The following DOCK3 variants were observed in gnomAD, a reference collection of about 807,000 sequenced individuals.
DOCK3 encodes dedicator of cytokinesis 3.
A neutral mutation model predicts 265.6 loss-of-function variants in DOCK3; 60 were observed. That is an observed-to-expected ratio of 0.23 (90% CI 0.18 to 0.28). The LOEUF is 0.28. Ranked by LOEUF, DOCK3 falls within the 10% of genes least tolerant of loss-of-function variation. The probability of loss-of-function intolerance (pLI) is 1.00; values close to 1 mark genes in which losing one functional copy is unlikely to be tolerated. For missense variants in DOCK3, 1,981 were observed against 2,594.3 expected, an observed-to-expected ratio of 0.76 and a Z score of 5.14; for synonymous variants, 881 against 938.0, an observed-to-expected ratio of 0.94 and a Z score of 1.11.
chr3:50,878,082 AAC>A (rs1340301633), intron 3 of DOCK3, among the ~76,000 whole-genome samples: 2 of 152,184 alleles, frequency 1.3e-5, no homozygotes, highest in African/African-American at 4.8e-5. Context: ...AAGGAAAACT[AAC>A]AAACAGAAAG....
chr3:50,803,869 C>G (rs2108697242), intron 2 of DOCK3, among the ~76,000 whole-genome samples: 1 of 151,798 alleles, frequency 6.6e-6, no homozygotes, highest in East Asian at 1.9e-4. Flanking sequence ...GACGGGGCGG[C>G]TGGCCGGGCG....
At chr3:51,000,755 C>T (rs764742722) in intron 5 of DOCK3, among the ~76,000 whole-genome samples, 4 of 152,096 alleles carry the variant, frequency 2.6e-5, no homozygotes, top group Non-Finnish European at 5.9e-5. Flanking sequence ...TGGGTTCAAG[C>T]GATTCTCCTG....
chr3:51,291,134 TTACAGAATG>T (rs2109151610), intron 27 of DOCK3, among the ~76,000 whole-genome samples: 1 of 152,196 alleles, frequency 6.6e-6, no homozygotes, highest in South Asian at 2.1e-4. Flanking sequence ...ATATCAAATC[TTACAGAATG>T]TAGCAAAAGC....
At chr3:51,239,589 TG>T (rs1441784374) in intron 21 of DOCK3, among the ~76,000 whole-genome samples, 24 of 151,366 alleles carry the variant, frequency 1.6e-4, no homozygotes, top group Non-Finnish European at 5.9e-5. Context: ...TTGTTTTTTT[TG>T]TTTTTTTTTA....
At chr3:51,121,187 G>A (rs553530472) in intron 9 of DOCK3, among the ~76,000 whole-genome samples, 1 of 152,224 alleles carries the variant, frequency 6.6e-6, no homozygotes, top group East Asian at 1.9e-4. Context: ...TGGTATCTGG[G>A]CCAGATAGCA....
rs531578504 is a variant in DOCK3, at chr3:51,243,975, C to A, written c.2103-2751C>A. Among the ~76,000 whole-genome samples the A allele has an allele frequency of 2.6e-5, 4 of 152,320 alleles. No individual in the cohort carries two copies. The South Asian group carries it at 8.3e-4, about 32-fold the overall frequency. ...GCTGTCTTTTCCCCCACTGAATGGTCTTGGCATTCTTGTCAAAAGGGTGAT... is the reference window on the plus strand; with the variant it reads ...GCTGTCTTTTCCCCCACTGAATGGTATTGGCATTCTTGTCAAAAGGGTGAT... On this transcript the variant is annotated intron_variant, in intron 21 of 52. Coordinates refer to ENST00000266037, the MANE Select transcript of DOCK3 (RefSeq NM_004947.5).
intron 9 of DOCK3, among the ~76,000 whole-genome samples, chr3:51,136,441 T>G (rs2084803314): frequency 6.6e-6 from 1 of 152,054 alleles, no homozygotes. Context: ...GGTTTCACCT[T>G]GTTAGCTAGT....
intron 12 of DOCK3, among the ~76,000 whole-genome samples, chr3:51,192,328 A>G (rs952046174): frequency 6.6e-6 from 1 of 151,254 alleles, no homozygotes; most frequent in African/African-American, 2.4e-5. Context: ...AGAGGACGGA[A>G]CTCTCTCTAA....
At chr3:51,083,423 A>G (rs2082310849) in intron 7 of DOCK3, among the ~76,000 whole-genome samples, 1 of 152,216 alleles carries the variant, frequency 6.6e-6, no homozygotes, top group South Asian at 2.1e-4. Flanking sequence ...AAACAAAGAC[A>G]ATAATTCTCT....
intron 9 of DOCK3, among the ~76,000 whole-genome samples, chr3:51,092,612 G>C (rs567207146): frequency 6.6e-6 from 1 of 152,340 alleles, no homozygotes; most frequent in African/African-American, 2.4e-5. Context: ...TTCCCTGCCT[G>C]ATGGCTCTGA....
intron 32 of DOCK3, among the ~76,000 whole-genome samples, chr3:51,323,322 C>A (rs2083868044): frequency 6.6e-6 from 1 of 152,102 alleles, no homozygotes; most frequent in South Asian, 2.1e-4. Flanking sequence ...ACAAGGATAT[C>A]CAGGACTTGA....
intron 3 of DOCK3, among the ~76,000 whole-genome samples, chr3:50,862,673 T>C (rs556320108): frequency 2.0e-5 from 3 of 152,334 alleles, no homozygotes; most frequent in Admixed American, 6.5e-5. Flanking sequence ...CTGCAGGCTC[T>C]GGATATGCCC....
intron 1 of DOCK3, among the ~76,000 whole-genome samples, chr3:50,700,125 T>G (rs576093914): frequency 6.6e-6 from 1 of 151,954 alleles, no homozygotes; most frequent in Non-Finnish European, 1.5e-5. Flanking sequence ...ACTAAAAATA[T>G]GAAATCAGCC....
intron 18 of DOCK3, 84 bp from the exon 19 acceptor site, chr3:51,229,428 G>T (rs889810262): frequency 1.0e-6 from 1 of 985,782 alleles, no homozygotes. Flanking sequence ...TCCAGCCTGG[G>T]CAACAGAGTG....
intron 40 of DOCK3, among the ~76,000 whole-genome samples, chr3:51,351,972 G>A (rs1026200114): frequency 2.0e-5 from 3 of 152,160 alleles, no homozygotes; most frequent in African/African-American, 7.2e-5. Context: ...TGAGTGGAGA[G>A]ACTTTCTTAA....
chr3:50,995,340 T>C (rs2078242085), intron 5 of DOCK3, among the ~76,000 whole-genome samples: 1 of 152,234 alleles, frequency 6.6e-6, no homozygotes, highest in South Asian at 2.1e-4. Flanking sequence ...TCAGTGCCAC[T>C]TACAAAGTCT....
At chr3:51,143,142 C>T (rs1433628567) in intron 9 of DOCK3, among the ~76,000 whole-genome samples, 1 of 152,038 alleles carries the variant, frequency 6.6e-6, no homozygotes, top group East Asian at 1.9e-4. Flanking sequence ...CTGCCTCGGC[C>T]TCTCAAAGTG....
intron 2 of DOCK3, among the ~76,000 whole-genome samples, chr3:50,790,648 A>T (rs528378327): frequency 6.6e-6 from 1 of 152,230 alleles, no homozygotes; most frequent in East Asian, 1.9e-4. Context: ...TAGGACCTCA[A>T]TCCCTTCAAG....
rs764792849 is a variant in DOCK3, at chr3:51,280,083, TG to T, written c.2824-22del. On this transcript the variant is annotated intron_variant, in intron 26 of 52. Transcript: ENST00000266037. The stretch of plus-strand genomic sequence containing the variant: ...AGCCCTTGCAATTGGCCATGCTAAG[TG>T]TTTTTTTGGGTTGGTCCCTAGGGCG... The T allele has an allele frequency of 4.4e-6, 7 of 1,607,910 alleles. No individual in the cohort carries two copies. In the African/African-American group the frequency reaches 9.4e-5, roughly 22 times the overall value.
Sources: gnomAD v4.1 joint callset for allele counts (sites outside exome capture counted in the v4.1 genomes callset) on GRCh38, gnomAD v4.1.1 for gene constraint, MANE v1.5 for transcripts, NCBI Gene and HGNC (gene_info 2026-07-23, HGNC 2026-07-21) for gene names.